The following PMFBP1 variants were observed in gnomAD, a reference collection of about 807,000 sequenced individuals.
PMFBP1 encodes polyamine-modulated factor 1-binding protein 1.
In PMFBP1, 131 loss-of-function variants were observed where a neutral mutation model predicts 137.8. The ratio of observed to expected loss-of-function variants is 0.95; its 90% CI spans 0.82 to 1.10. The LOEUF is 1.10. PMFBP1 is among the 50% of genes least tolerant of loss of function. The pLI, the probability that PMFBP1 is intolerant of heterozygous loss-of-function variation, is 0.00. For missense variants in PMFBP1, 1,199 were observed against 1,175.4 expected, an observed-to-expected ratio of 1.02 and a Z score of -0.29; for synonymous variants, 490 against 450.4, an observed-to-expected ratio of 1.09 and a Z score of -1.11.
At chr16:72,118,767 G>A (rs573460976), downstream of PMFBP1, among the ~76,000 whole-genome samples, 9 of 152,066 alleles carry the variant, frequency 5.9e-5, no homozygotes, top group South Asian at 2.1e-4. Flanking sequence ...GGTGGGCGGG[G>A]GGGCAGGTGG....
the PMFBP1 span, among the ~76,000 whole-genome samples, chr16:72,198,156 G>A: frequency 6.6e-6 from 1 of 152,122 alleles, no homozygotes; most frequent in African/African-American, 2.4e-5. Flanking sequence ...TGAATGTACT[G>A]TAATAGAAAT....
chr16:72,217,425 T>G, the PMFBP1 span, among the ~76,000 whole-genome samples: 5 of 152,150 alleles, frequency 3.3e-5, no homozygotes, highest in African/African-American at 1.2e-4. Context: ...GAGGGCAACT[T>G]CTTTGCTGAA....
chr16:72,150,491 G>A, intron 5 of PMFBP1, 117 bp downstream of exon 5: 1 of 942,576 alleles, frequency 1.1e-6, no homozygotes, highest in Admixed American at 1.9e-5. Context: ...ATCAAGGGCA[G>A]GAAGTGACAT....
At chr16:72,237,948 C>T in the PMFBP1 span, among the ~76,000 whole-genome samples, 1 of 152,150 alleles carries the variant, frequency 6.6e-6, no homozygotes, top group Admixed American at 6.6e-5. Flanking sequence ...GCCTCTAGCT[C>T]CATCCATGCT....
At chr16:72,246,631 T>C in the PMFBP1 span, among the ~76,000 whole-genome samples, 3 of 152,078 alleles carry the variant, frequency 2.0e-5, no homozygotes, top group Non-Finnish European at 4.4e-5. Context: ...AAGGTTACTT[T>C]CTCTGTGAGG....
the PMFBP1 span, among the ~76,000 whole-genome samples, chr16:72,227,688 G>A: frequency 6.6e-6 from 1 of 152,132 alleles, no homozygotes; most frequent in African/African-American, 2.4e-5. Flanking sequence ...GAGAGACGTG[G>A]CATAGAATTC....
chr16:72,127,753 T>C (rs1418120648), intron 14 of PMFBP1, among the ~76,000 whole-genome samples: 1 of 152,266 alleles, frequency 6.6e-6, no homozygotes. Flanking sequence ...AAGTCATCAT[T>C]GATTCCTCAC....
upstream of PMFBP1, among the ~76,000 whole-genome samples, chr16:72,175,906 T>G (rs893504401): frequency 3.3e-5 from 5 of 152,194 alleles, no homozygotes; most frequent in African/African-American, 1.2e-4. Flanking sequence ...ACTAATTATT[T>G]CTACCCAGAA....
chr16:72,150,527 G>T, intron 5 of PMFBP1, 81 bp downstream of exon 5: 1 of 1,374,890 alleles, frequency 7.3e-7, no homozygotes. Context: ...GGTTTCCAGT[G>T]GAGGAGGCTG....
intron 3 of PMFBP1, 68 bp from the exon 4 acceptor site, chr16:72,154,527 T>C (rs2042954034): frequency 6.6e-7 from 1 of 1,519,484 alleles, no homozygotes; most frequent in East Asian, 2.3e-5. Flanking sequence ...ATTCCAGGAT[T>C]TTTTTTTCAT....
intron 19 of PMFBP1, among the ~76,000 whole-genome samples, chr16:72,122,146 G>A (rs1212038730): frequency 3.3e-5 from 5 of 152,146 alleles, no homozygotes; most frequent in Admixed American, 2.6e-4. Context: ...AGAACATGTG[G>A]TACTTGGTTT....
At chr16:72,209,845 A>G in the PMFBP1 span, among the ~76,000 whole-genome samples, 1 of 152,178 alleles carries the variant, frequency 6.6e-6, no homozygotes, top group African/African-American at 2.4e-5. Context: ...GCACATGCAG[A>G]AGATGGAAAG....
At chr16:72,145,294 C>T (rs186105411) in intron 5 of PMFBP1, among the ~76,000 whole-genome samples, 13 of 151,970 alleles carry the variant, frequency 8.6e-5, no homozygotes, top group South Asian at 4.1e-4. Flanking sequence ...GGGTAAGTAA[C>T]GAAATGAAGG....
chr16:72,125,422 A>T lies in PMFBP1; in HGVS notation c.2254-17T>A, dbSNP rs1373366827. 1 of 1,606,904 alleles carries T rather than the reference A, an allele frequency of 6.2e-7. No individual in the cohort carries two copies. The highest frequency in any genetic ancestry group is 1.7e-5 in the Admixed American group (1 of 57,966). ...GTGATTGAGCTTCCGGAAAAGACAA[A>T]GAGGACGAATGGCTGTCAGAGACTT... On this transcript the variant is annotated splice_polypyrimidine_tract_variant and intron_variant, in intron 15 of 20. Transcript: ENST00000237353.
At chr16:72,150,275 G>A (rs1376381935) in intron 5 of PMFBP1, among the ~76,000 whole-genome samples, 1 of 152,146 alleles carries the variant, frequency 6.6e-6, no homozygotes, top group East Asian at 1.9e-4. Flanking sequence ...GCAGGGTTGG[G>A]CAGAGGGAGA....
At chr16:72,178,184 G>C (rs191917890), upstream of PMFBP1, among the ~76,000 whole-genome samples, 16 of 152,232 alleles carry the variant, frequency 1.1e-4, no homozygotes, top group Admixed American at 3.3e-4. Flanking sequence ...TGCTGAGATT[G>C]AGGCTATGCA....
chr16:72,132,492 G>C (rs913278423), intron 10 of PMFBP1, among the ~76,000 whole-genome samples: 2 of 152,352 alleles, frequency 1.3e-5, no homozygotes, highest in Non-Finnish European at 1.5e-5. Context: ...GGAAGGGCCA[G>C]GGTCTTCAGG....
At chr16:72,242,436 T>C in the PMFBP1 span, among the ~76,000 whole-genome samples, 1 of 152,232 alleles carries the variant, frequency 6.6e-6, no homozygotes, top group East Asian at 1.9e-4. Flanking sequence ...AGTATCTAAT[T>C]AACCTTCTCA....
chr16:72,179,502 G>T (rs1243062404), upstream of PMFBP1, among the ~76,000 whole-genome samples: 1 of 152,070 alleles, frequency 6.6e-6, no homozygotes, highest in Non-Finnish European at 1.5e-5. Context: ...AGAGTGGGAG[G>T]GATGAGGATG....
Sources: allele counts gnomAD v4.1 joint callset (sites outside exome capture counted in the v4.1 genomes callset), GRCh38; gene constraint gnomAD v4.1.1; transcripts MANE v1.5; gene names NCBI Gene and HGNC (gene_info 2026-07-23, HGNC 2026-07-21).